Variants in PDE10A observed in about 807,000 individuals in gnomAD.
The protein encoded by PDE10A is phosphodiesterase 10A.
A neutral mutation model predicts 97.7 loss-of-function variants in PDE10A; 39 were observed. The ratio of observed to expected loss-of-function variants is 0.40; its 90% CI spans 0.31 to 0.52. The LOEUF (loss-of-function observed/expected upper bound fraction) is 0.52, where lower values mean the gene tolerates loss of function less well. Ranked by LOEUF, PDE10A falls within the 20% of genes least tolerant of loss-of-function variation. The probability of loss-of-function intolerance (pLI) is 0.56; values close to 1 mark genes in which losing one functional copy is unlikely to be tolerated. For synonymous variants in PDE10A, 371 were observed against 376.8 expected (o/e 0.98, Z 0.18); for missense variants, 731 against 1,047.8 (o/e 0.70, Z 4.17).
At chr6:165,594,899 G>A (rs6917844) in intron 1 of PDE10A, among the ~76,000 whole-genome samples, 31,705 of 152,084 alleles carry the variant, frequency 0.21, 3,677 homozygotes, top group African/African-American at 0.31. Flanking sequence ...ACACTTAAAA[G>A]GATGGCAGGA....
intron 3 of PDE10A, among the ~76,000 whole-genome samples, chr6:165,457,796 GA>G (rs112432330): frequency 0.1 from 15,358 of 152,206 alleles, 937 homozygotes; most frequent in Middle Eastern, 0.19. Context: ...GGTTCAGAAA[GA>G]AAAGTAAAAG....
intron 2 of PDE10A, among the ~76,000 whole-genome samples, chr6:165,515,454 TA>T (rs1781739803): frequency 1.3e-5 from 2 of 151,628 alleles, no homozygotes; most frequent in African/African-American, 4.8e-5. Context: ...GGTTTAATAT[TA>T]TAATCATTTT....
chr6:165,402,080 A>C (rs1251141290), intron 13 of PDE10A, among the ~76,000 whole-genome samples: 1 of 152,162 alleles, frequency 6.6e-6, no homozygotes, highest in African/African-American at 2.4e-5. Flanking sequence ...CACTAATTCT[A>C]TTGAGCACTT....
intron 1 of PDE10A, among the ~76,000 whole-genome samples, chr6:165,611,943 T>C (rs1787512592): frequency 6.6e-6 from 1 of 152,250 alleles, no homozygotes; most frequent in South Asian, 2.1e-4. Context: ...TATTGGACAC[T>C]ACCTTTCCCT....
chr6:165,939,240 C>T (rs1465730289), intron 1 of PDE10A, among the ~76,000 whole-genome samples: 3 of 152,278 alleles, frequency 2.0e-5, no homozygotes, highest in East Asian at 1.9e-4. Flanking sequence ...CTTGTTCTTG[C>T]GTTCAGATAG....
intron 1 of PDE10A, among the ~76,000 whole-genome samples, chr6:165,962,279 G>A (rs1210207478): frequency 6.6e-6 from 1 of 152,222 alleles, no homozygotes; most frequent in African/African-American, 2.4e-5. Flanking sequence ...AGGGAAGCTG[G>A]CCATTTGCTC....
chr6:165,966,020 G>A (rs1784500033), intron 1 of PDE10A, among the ~76,000 whole-genome samples: 1 of 152,220 alleles, frequency 6.6e-6, no homozygotes, highest in Non-Finnish European at 1.5e-5. Context: ...ACCGTCATCG[G>A]AAAACATCAC....
chr6:165,753,677 T>C (rs1051823036), intron 1 of PDE10A, among the ~76,000 whole-genome samples: 1 of 152,250 alleles, frequency 6.6e-6, no homozygotes, highest in Non-Finnish European at 1.5e-5. Flanking sequence ...TAATTTATTA[T>C]AGGCTGGAAA....
chr6:165,972,691 C>A (rs1324724968), intron 1 of PDE10A, among the ~76,000 whole-genome samples: 1 of 152,074 alleles, frequency 6.6e-6, no homozygotes, highest in African/African-American at 2.4e-5. Flanking sequence ...AGGCTGAGAG[C>A]CCTTTAAGGG....
rs1216593161 is a variant in PDE10A, at chr6:165,379,080, A to T, written c.2783+114T>A. 7.0e-6 allele frequency: 5 copies of T among 713,030 alleles called. No homozygotes were observed. The South Asian group carries it at 9.9e-5, about 14-fold the overall frequency. 44.2% of individuals were successfully genotyped at this position (713,030 alleles called of 1,614,324 possible). A position where few individuals can be genotyped will look rare whatever the true frequency, so the allele number is the denominator to read the frequency against. The stretch of plus-strand genomic sequence containing the variant: ...TGTACATAAAGTGAAAAACATGTAA[A>T]TTTTTTACATTCCTTCTTTCAAATA... On this transcript the variant is annotated intron_variant, in intron 18 of 21. Transcript: ENST00000539869.
rs1339958546 is a variant in PDE10A, at chr6:165,557,984, G to A, written c.866-14416C>T. 2.0e-5 allele frequency among the ~76,000 whole-genome samples: 3 copies of A among 152,264 alleles called. No homozygotes were observed. In the East Asian group the frequency reaches 5.8e-4, roughly 29 times the overall value. ...TACGTGTATACTGAGTGCCTACTAT[G>A]AATCAGACATATCTTGACATGCAAT... On this transcript the variant is annotated intron_variant, in intron 1 of 21. Coordinates refer to ENST00000539869, the MANE Select transcript of PDE10A (RefSeq NM_001385079.1).
intron 1 of PDE10A, among the ~76,000 whole-genome samples, chr6:165,633,813 T>C (rs1788747422): frequency 6.6e-6 from 1 of 151,642 alleles, no homozygotes; most frequent in Admixed American, 6.6e-5. Context: ...TTTTTCGTAT[T>C]TTTATAGAGA....
intron 17 of PDE10A, among the ~76,000 whole-genome samples, chr6:165,381,543 C>A (rs1434053950): frequency 6.6e-6 from 1 of 152,076 alleles, no homozygotes; most frequent in East Asian, 1.9e-4. Flanking sequence ...CTGCTCACCA[C>A]AATCTCTGCT....
intron 1 of PDE10A, among the ~76,000 whole-genome samples, chr6:165,595,376 TG>T: frequency 6.6e-6 from 1 of 152,216 alleles, no homozygotes; most frequent in Non-Finnish European, 1.5e-5. Context: ...ATCACACAGA[TG>T]GACATCTGCA....
At chr6:165,347,095 CTT>C (rs964477301) in intron 18 of PDE10A, among the ~76,000 whole-genome samples, 4 of 147,056 alleles carry the variant, frequency 2.7e-5, no homozygotes, top group African/African-American at 1.0e-4. Context: ...CACCTTAATG[CTT>C]TTTTTTTTAT....
chr6:165,939,461 T>C (rs1381964228), intron 1 of PDE10A: 1 of 152,256 alleles, frequency 6.6e-6, no homozygotes, highest in African/African-American at 2.4e-5. Flanking sequence ...ATAAATTTTT[T>C]GGACTTTTAA....
intron 1 of PDE10A, among the ~76,000 whole-genome samples, chr6:165,649,299 G>C (rs1411075837): frequency 6.6e-6 from 1 of 152,166 alleles, no homozygotes; most frequent in Non-Finnish European, 1.5e-5. Flanking sequence ...GACAAAGAAA[G>C]CTGTCACCAC....
At chr6:165,962,388 T>C (rs904087478) in intron 1 of PDE10A, among the ~76,000 whole-genome samples, 1 of 152,220 alleles carries the variant, frequency 6.6e-6, no homozygotes, top group African/African-American at 2.4e-5. Flanking sequence ...GATTGAGCAG[T>C]TGCACTTCTC....
chr6:165,543,512 C>T lies in PDE10A; in HGVS notation c.922G>A (p.Glu308Lys). 1.2e-6 allele frequency: 2 copies of T among 1,611,286 alleles called. No homozygotes were observed. Among genetic ancestry groups the T allele is most frequent in the Non-Finnish European group, 8.5e-7 (1 of 1,177,920 alleles). The part of the protein sequence containing the change: ...YLSLHPQVLD[E>K]FVSESVSAET... ...GCACTAACACTTTCAGATACAAATT[C>T]ATCTAATACCTGGGGGTGAAGAGAA... The change falls in exon 2 of 22, where the codon GAA (glutamate) becomes AAA (lysine). Residue 308 changes from glutamate (E) to lysine (K), a missense_variant. Physicochemically the swap from Glu to Lys is moderately conservative, Grantham distance 56. Around this residue, in one of 8 missense-constraint regions of PDE10A, gnomAD observed 181 missense variants for 159.1 expected, o/e 1.14. Transcript: ENST00000539869.
Sources: gnomAD v4.1 joint callset for allele counts (sites outside exome capture counted in the v4.1 genomes callset) on GRCh38, gnomAD v4.1.1 for gene constraint, gnomAD v4.1.1 regional missense constraint, MANE v1.5 for transcripts, NCBI Gene and HGNC (gene_info 2026-07-23, HGNC 2026-07-21) for gene names.